The following GC variants were observed in gnomAD, a reference collection of about 807,000 sequenced individuals.
GC encodes the protein GC vitamin D binding protein.
GC carries 43 observed loss-of-function variants against 56.7 expected under a neutral mutation model. The observed-to-expected ratio is 0.76, with a 90% CI of 0.59 to 0.98. The LOEUF (loss-of-function observed/expected upper bound fraction) is 0.98, where lower values mean the gene tolerates loss of function less well. Ranked by LOEUF, GC falls within the 50% of genes least tolerant of loss-of-function variation. The pLI is 0.00. For missense variants in GC, 529 were observed against 545.9 expected (o/e 0.97, Z 0.31); for synonymous variants, 216 against 202.7 (o/e 1.07, Z -0.56).
In GC at chr4:71,758,296, G is replaced by A. The variant is rs565721085; in HGVS notation, c.702-125C>T. The A allele has an allele frequency of 2.4e-4, 179 of 739,256 alleles. 1 individual carries two copies. In the South Asian group the frequency reaches 3.0e-3, roughly 12 times the overall value. 45.8% of individuals were successfully genotyped at this position (739,256 alleles called of 1,614,324 possible). ...CTCCTTGGCCTCAAGAGATGCATGG[G>A]AGCACATCTGCCATGCGATAGATCT... On this transcript the variant is annotated intron_variant, in intron 6 of 12. Coordinates refer to ENST00000273951, the MANE Select transcript of GC (RefSeq NM_000583.4).
At chr4:71,798,891 A>G (rs977378548) in intron 1 of GC, among the ~76,000 whole-genome samples, 10 of 152,172 alleles carry the variant, frequency 6.6e-5, no homozygotes, top group African/African-American at 2.4e-4. Context: ...CAAGTCTCAT[A>G]TATCCTTTTA....
chr4:71,793,675 G>A (rs1743024820), intron 1 of GC, among the ~76,000 whole-genome samples: 2 of 151,952 alleles, frequency 1.3e-5, no homozygotes, highest in East Asian at 1.9e-4. Flanking sequence ...TGCCCCAACC[G>A]GAACTTCCAA....
intron 11 of GC, among the ~76,000 whole-genome samples, 178 bp downstream of exon 11, chr4:71,752,340 C>A (rs1741582564): frequency 6.6e-6 from 1 of 152,264 alleles, no homozygotes; most frequent in East Asian, 1.9e-4. Flanking sequence ...TTTAAATGAG[C>A]ATAGCATGAA....
At chr4:71,756,312 T>G (rs1171246409) in intron 8 of GC, among the ~76,000 whole-genome samples, 1 of 152,242 alleles carries the variant, frequency 6.6e-6, no homozygotes, top group Non-Finnish European at 1.5e-5. Context: ...TTTTCACATT[T>G]ACTTTCACTT....
Position 71,746,208 on chromosome 4 carries a change from G to T in GC, c.1396-3C>A. On this transcript the variant is annotated splice_polypyrimidine_tract_variant and splice_region_variant and intron_variant, in intron 11 of 12. Coordinates refer to ENST00000273951, the MANE Select transcript of GC (RefSeq NM_000583.4). ...ATATTCTTCAATTCAGCATCAATCT[G>T]ATAATGAAAAAAGAATGTTATATAA... The T allele has an allele frequency of 2.3e-6, 3 of 1,284,006 alleles. No homozygotes were observed. Among genetic ancestry groups the T allele is most frequent in the Non-Finnish European group, 3.4e-6 (3 of 886,162 alleles). 79.5% of individuals were successfully genotyped at this position (1,284,006 alleles called of 1,614,324 possible). A position where few individuals can be genotyped will look rare whatever the true frequency, so the allele number is the denominator to read the frequency against.
intron 10 of GC, 67 bp from the exon 11 acceptor site, chr4:71,752,717 A>G: frequency 7.7e-7 from 1 of 1,297,894 alleles, no homozygotes; most frequent in African/African-American, 1.5e-5. Context: ...CTAATGCAAA[A>G]TAATAGCCAT....
intron 3 of GC, 71 bp downstream of exon 3, chr4:71,768,230 A>G (rs1742219655): frequency 7.5e-7 from 1 of 1,330,798 alleles, no homozygotes; most frequent in Non-Finnish European, 1.0e-6. Flanking sequence ...TTTTTTCAAC[A>G]CGTGGTATAA....
chr4:71,755,572 G>A (rs998829261), intron 8 of GC, among the ~76,000 whole-genome samples: 1 of 152,144 alleles, frequency 6.6e-6, no homozygotes, highest in Admixed American at 6.6e-5. Context: ...ACAGGCTTTG[G>A]ATTATAAAAT....
At chr4:71,766,830 A>G (rs1742172943) in intron 3 of GC, among the ~76,000 whole-genome samples, 1 of 152,060 alleles carries the variant, frequency 6.6e-6, no homozygotes, top group South Asian at 2.1e-4. Context: ...TCTTCTTTCA[A>G]GTAAAAAAAG....
At chr4:71,793,432 G>A (rs1743018370) in intron 1 of GC, among the ~76,000 whole-genome samples, 1 of 152,150 alleles carries the variant, frequency 6.6e-6, no homozygotes, top group Non-Finnish European at 1.5e-5. Context: ...TTGTGAATGG[G>A]AGTTCACTCA....
At chr4:71,757,630 A>G (rs4364228) in intron 7 of GC, among the ~76,000 whole-genome samples, 25,616 of 152,154 alleles carry the variant, frequency 0.17, 3,742 homozygotes, top group African/African-American at 0.4. Flanking sequence ...TGCACTATCC[A>G]ATACCATTGT....
chr4:71,761,607 A>G (rs1272442238), intron 6 of GC, among the ~76,000 whole-genome samples: 5 of 152,156 alleles, frequency 3.3e-5, no homozygotes, highest in Non-Finnish European at 7.3e-5. Context: ...CCATCCCATC[A>G]CAGGCCTGGA....
At chr4:71,761,346 A>G (rs1204556798) in intron 6 of GC, among the ~76,000 whole-genome samples, 1 of 152,164 alleles carries the variant, frequency 6.6e-6, no homozygotes, top group East Asian at 1.9e-4. Context: ...GGCAGAAGGA[A>G]TTTCTAAGCA....
chr4:71,777,418 T>C (rs1308212041), intron 1 of GC, among the ~76,000 whole-genome samples: 1 of 151,504 alleles, frequency 6.6e-6, no homozygotes, highest in Non-Finnish European at 1.5e-5. Context: ...CTTTGCAGTA[T>C]CATGTAGATG....
rs554447102 is a variant in GC at position 71,767,065 on chromosome 4, C to G, written c.261+1236G>C. On this transcript the variant is annotated intron_variant, in intron 3 of 12. Transcript: ENST00000273951. ...GACGCTTTCTTATTTTAAGGTGGTA[C>G]AGAAGTTCAGGTTAAAATAAAAAAT... Among the ~76,000 whole-genome samples the G allele has an allele frequency of 2.6e-5, 4 of 151,906 alleles. No individual in the cohort carries two copies. The South Asian group carries it at 8.3e-4, about 32-fold the overall frequency.
At chr4:71,784,382 TC>T, upstream of GC, 2 of 960,616 alleles carry the variant, frequency 2.1e-6, no homozygotes, top group Non-Finnish European at 2.5e-6. Flanking sequence ...GCACACCTTC[TC>T]CCCCTGTATA....
At chr4:71,760,508 T>A (rs562605425) in intron 6 of GC, among the ~76,000 whole-genome samples, 1 of 152,202 alleles carries the variant, frequency 6.6e-6, no homozygotes, top group East Asian at 1.9e-4. Flanking sequence ...ATCTAGATGT[T>A]TGAGAAAGTA....
intron 1 of GC, among the ~76,000 whole-genome samples, chr4:71,770,310 C>T (rs1488473567): frequency 6.6e-6 from 1 of 152,248 alleles, no homozygotes; most frequent in African/African-American, 2.4e-5. Flanking sequence ...ATATTTCCCC[C>T]AGTCCCAGCT....
chr4:71,782,196 T>C (rs1311986279), intron 1 of GC, among the ~76,000 whole-genome samples: 1 of 151,738 alleles, frequency 6.6e-6, no homozygotes, highest in African/African-American at 2.4e-5. Context: ...TCTAGAACTA[T>C]AACAGGCAGA....
Sources: allele counts gnomAD v4.1 joint callset (sites outside exome capture counted in the v4.1 genomes callset), GRCh38; gene constraint gnomAD v4.1.1; transcripts MANE v1.5; gene names NCBI Gene and HGNC (gene_info 2026-07-23, HGNC 2026-07-21).